The following JAZF1 variants were observed in gnomAD, a reference collection of about 807,000 sequenced individuals.
JAZF1 encodes JAZF zinc finger 1.
A neutral mutation model predicts 26.4 loss-of-function variants in JAZF1; 8 were observed. That is an observed-to-expected ratio of 0.30 (90% CI 0.18 to 0.55). The LOEUF is 0.55. Ranked by LOEUF, JAZF1 falls within the 20% of genes least tolerant of loss-of-function variation. The pLI, the probability that JAZF1 is intolerant of heterozygous loss-of-function variation, is 0.94. For synonymous variants in JAZF1, 126 were observed against 122.3 expected (o/e 1.03, Z -0.20); for missense variants, 199 against 322.0 (o/e 0.62, Z 2.92).
chr7:28,062,150 G>A lies in JAZF1; in HGVS notation c.116-70169C>T, dbSNP rs141797608. 8.3e-3 allele frequency among the ~76,000 whole-genome samples: 1,264 copies of A among 152,250 alleles called. 17 individuals carry two copies. The highest frequency in any genetic ancestry group is 0.029 in the African/African-American group (1,209 of 41,544). ...GCTAAACTGGGATCTGGGATTTGGG[G>A]TTGTGCCAACCGTCAGGTCATCACT... On this transcript the variant is annotated intron_variant, in intron 1 of 4. Coordinates refer to ENST00000283928, the MANE Select transcript of JAZF1 (RefSeq NM_175061.4).
chr7:27,982,190 C>T lies in JAZF1; in HGVS notation c.188+9719G>A, dbSNP rs181415176. On this transcript the variant is annotated intron_variant, in intron 2 of 4. Coordinates refer to ENST00000283928, the MANE Select transcript of JAZF1 (RefSeq NM_175061.4). ...GGAAGTGCAAGAGGTAGGGGAATTCCCTTTCCTAGCAAAGGGAAGCCATGA... is the reference window on the plus strand; with the variant it reads ...GGAAGTGCAAGAGGTAGGGGAATTCTCTTTCCTAGCAAAGGGAAGCCATGA... Among the ~76,000 whole-genome samples the T allele has an allele frequency of 2.0e-5, 3 of 152,344 alleles. No homozygotes were observed. The East Asian group carries it at 5.8e-4, about 29-fold the overall frequency.
intron 1 of JAZF1, among the ~76,000 whole-genome samples, chr7:28,167,501 C>T (rs368422993): frequency 7.2e-5 from 11 of 152,350 alleles, no homozygotes; most frequent in African/African-American, 2.4e-4. Context: ...CAGCTTACTG[C>T]TATTCTCTCA....
At position 27,995,763 on chromosome 7, in the gene JAZF1, A is replaced by T. The variant is rs1786003296; in HGVS notation, c.116-3782T>A. Among the ~76,000 whole-genome samples the T allele has an allele frequency of 2.0e-5, 3 of 152,188 alleles. No individual in the cohort carries two copies. In the South Asian group the frequency reaches 6.2e-4, roughly 31 times the overall value. On this transcript the variant is annotated intron_variant, in intron 1 of 4. Coordinates refer to ENST00000283928, the MANE Select transcript of JAZF1 (RefSeq NM_175061.4). ...CTATGTAACACTAGACACAGGTACA[A>T]ATTGAAAGCTTTCTGTAGCTCCTGT...
intron 3 of JAZF1, among the ~76,000 whole-genome samples, chr7:27,847,165 T>C (rs1783047575): frequency 1.3e-5 from 2 of 150,722 alleles, no homozygotes; most frequent in African/African-American, 4.9e-5. Context: ...TTTTTTTTTT[T>C]TTTTAGTAGA....
chr7:28,154,581 A>G (rs1022372682), intron 1 of JAZF1, among the ~76,000 whole-genome samples: 1 of 152,182 alleles, frequency 6.6e-6, no homozygotes, highest in African/African-American at 2.4e-5. Context: ...ATTGTGCCAT[A>G]CAGGTGAAAA....
intron 3 of JAZF1, among the ~76,000 whole-genome samples, chr7:27,875,829 C>T (rs1412689685): frequency 3.3e-5 from 5 of 152,216 alleles, no homozygotes; most frequent in Non-Finnish European, 7.3e-5. Context: ...ATTAACCAGA[C>T]CTATCCTAGT....
At chr7:27,956,457 G>C (rs1785094517) in intron 2 of JAZF1, among the ~76,000 whole-genome samples, 1 of 152,166 alleles carries the variant, frequency 6.6e-6, no homozygotes, top group Non-Finnish European at 1.5e-5. Flanking sequence ...TAATGTGCTA[G>C]GCCATGGTTA....
chr7:28,159,742 A>G (rs1443190430), intron 1 of JAZF1, among the ~76,000 whole-genome samples: 2 of 152,164 alleles, frequency 1.3e-5, no homozygotes, highest in African/African-American at 4.8e-5. Context: ...AACTGCAGGA[A>G]GAATCAGTTT....
At chr7:27,850,866 T>C (rs1341435000) in intron 3 of JAZF1, among the ~76,000 whole-genome samples, 5 of 152,078 alleles carry the variant, frequency 3.3e-5, no homozygotes, top group African/African-American at 9.7e-5. Context: ...AATGATAAAC[T>C]TTTACAACTA....
At chr7:27,967,118 T>C (rs573890200) in intron 2 of JAZF1, among the ~76,000 whole-genome samples, 2 of 152,262 alleles carry the variant, frequency 1.3e-5, no homozygotes, top group South Asian at 4.1e-4. Flanking sequence ...CCCAGACACA[T>C]CGGTTTTATT....
At position 27,830,880 on chromosome 7, in the gene JAZF1, AAAG is replaced by A. The variant is rs1373388888; in HGVS notation, c.*1917_*1919del. On this transcript the variant is annotated 3_prime_UTR_variant, in exon 5 of 5. Transcript: ENST00000283928. Reference sequence around the variant, plus strand: ...TTGGAATTTATCTTTGAAAGCATTGAAAGAAATTTAACATGCACAATGACTATT... The same window carrying A: ...TTGGAATTTATCTTTGAAAGCATTGAAAATTTAACATGCACAATGACTATT... 4.7e-6 allele frequency: 1 copy of A among 214,424 alleles called. No individual in the cohort carries two copies. The highest frequency in any genetic ancestry group is 9.4e-6 in the Non-Finnish European group (1 of 105,990). 13.3% of individuals were successfully genotyped at this position (214,424 alleles called of 1,614,324 possible).
intron 1 of JAZF1, among the ~76,000 whole-genome samples, chr7:28,121,164 C>T (rs1176897557): frequency 7.5e-6 from 1 of 132,548 alleles, no homozygotes; most frequent in Non-Finnish European, 1.5e-5. Context: ...CGCACTACCG[C>T]ACAACAGAAG....
At chr7:28,076,755 A>T (rs971421633) in intron 1 of JAZF1, among the ~76,000 whole-genome samples, 1 of 152,012 alleles carries the variant, frequency 6.6e-6, no homozygotes, top group African/African-American at 2.4e-5. Flanking sequence ...GAGTAAGTTA[A>T]TAATTCCTTA....
chr7:28,015,660 T>C (rs1195154382), intron 1 of JAZF1, among the ~76,000 whole-genome samples: 2 of 152,330 alleles, frequency 1.3e-5, no homozygotes, highest in South Asian at 4.1e-4. Context: ...GTAAAAACTA[T>C]ACATACTCAG....
chr7:27,920,603 G>A (rs550623243), intron 2 of JAZF1, among the ~76,000 whole-genome samples: 22 of 152,304 alleles, frequency 1.4e-4, no homozygotes, highest in African/African-American at 5.3e-4. Flanking sequence ...ATTCTGCTAA[G>A]ATGGGATAAA....
chr7:28,135,516 T>C (rs1782868637), intron 1 of JAZF1, among the ~76,000 whole-genome samples: 1 of 152,238 alleles, frequency 6.6e-6, no homozygotes, highest in African/African-American at 2.4e-5. Flanking sequence ...GGACTGGATT[T>C]ACAGCAAAAT....
rs543158210 is a variant in JAZF1, at chr7:28,126,111, G to T, written c.115+54352C>A. Among the ~76,000 whole-genome samples the T allele has an allele frequency of 1.4e-4, 21 of 152,264 alleles. No individual in the cohort carries two copies. The South Asian group carries it at 4.4e-3, about 32-fold the overall frequency. On this transcript the variant is annotated intron_variant, in intron 1 of 4. Coordinates refer to ENST00000283928, the MANE Select transcript of JAZF1 (RefSeq NM_175061.4). The stretch of plus-strand genomic sequence containing the variant: ...CCAGTAAATGGAGGCACCAGGAAGG[G>T]GTTAGGGGTGGGAAGGATGTAGCCC...
chr7:28,013,673 T>A (rs1057315847), intron 1 of JAZF1, among the ~76,000 whole-genome samples: 2 of 152,112 alleles, frequency 1.3e-5, no homozygotes, highest in Non-Finnish European at 2.9e-5. Flanking sequence ...CTGCAGGATC[T>A]GATGAGGTGG....
At chr7:27,971,362 T>C (rs10258139) in intron 2 of JAZF1, among the ~76,000 whole-genome samples, 4,656 of 152,072 alleles carry the variant, frequency 0.031, 233 homozygotes, top group African/African-American at 0.11. Context: ...GCCGCTGACT[T>C]AGCTGCACTG....
Sources: gnomAD v4.1 joint callset for allele counts (sites outside exome capture counted in the v4.1 genomes callset) on GRCh38, gnomAD v4.1.1 for gene constraint, MANE v1.5 for transcripts, NCBI Gene and HGNC (gene_info 2026-07-23, HGNC 2026-07-21) for gene names.